Variants in KCNIP1 observed in about 807,000 individuals in gnomAD.
KCNIP1 encodes potassium voltage-gated channel interacting protein 1.
KCNIP1 carries 18 observed loss-of-function variants against 33.0 expected under a neutral mutation model. That is an observed-to-expected ratio of 0.55 (90% CI 0.38 to 0.81). The LOEUF (loss-of-function observed/expected upper bound fraction) is 0.81. KCNIP1 is among the 30% of genes least tolerant of loss of function. The pLI is 0.00. For missense variants in KCNIP1, 238 were observed against 271.6 expected (o/e 0.88, Z 0.87); for synonymous variants, 93 against 98.3 (o/e 0.95, Z 0.32).
intron 1 of KCNIP1, among the ~76,000 whole-genome samples, chr5:170,676,747 T>C (rs1017012038): frequency 6.6e-6 from 1 of 152,218 alleles, no homozygotes; most frequent in African/African-American, 2.4e-5. Context: ...TGCTCCGATC[T>C]TGTGGGTCAT....
chr5:170,538,995 G>T (rs979795806), intron 1 of KCNIP1, among the ~76,000 whole-genome samples: 2 of 151,828 alleles, frequency 1.3e-5, no homozygotes, highest in Non-Finnish European at 2.9e-5. Context: ...CCTTCTGGGG[G>T]TGTCATTCAT....
chr5:170,411,452 AAGAG>A (rs901109919), intron 1 of KCNIP1, among the ~76,000 whole-genome samples: 6 of 152,246 alleles, frequency 3.9e-5, no homozygotes, highest in African/African-American at 1.2e-4. Flanking sequence ...GAGTGAGAGA[AAGAG>A]AGAGATTGTG....
At chr5:170,514,523 C>A (rs553622314) in intron 1 of KCNIP1, among the ~76,000 whole-genome samples, 1 of 152,312 alleles carries the variant, frequency 6.6e-6, no homozygotes, top group East Asian at 1.9e-4. Flanking sequence ...GTCCTCCCAC[C>A]ACTGCCCCGC....
chr5:170,412,017 C>T (rs6885193), intron 1 of KCNIP1, among the ~76,000 whole-genome samples: 1 of 151,528 alleles, frequency 6.6e-6, no homozygotes, highest in Non-Finnish European at 1.5e-5. Context: ...TTCCCCCATG[C>T]TTAGCAGAGG....
At chr5:170,733,926 C>G (rs776815457) in intron 7 of KCNIP1, 28 bp downstream of exon 7, 3 of 1,596,418 alleles carry the variant, frequency 1.9e-6, no homozygotes, top group Admixed American at 3.4e-5. Flanking sequence ...GGCACAATAA[C>G]TCTACATCTG....
intron 1 of KCNIP1, among the ~76,000 whole-genome samples, chr5:170,586,899 T>C (rs1204619585): frequency 6.6e-6 from 1 of 152,222 alleles, no homozygotes; most frequent in Non-Finnish European, 1.5e-5. Flanking sequence ...TGCTCAGCTC[T>C]GACCACACAG....
intron 1 of KCNIP1, among the ~76,000 whole-genome samples, chr5:170,613,182 C>A (rs1355506359): frequency 6.6e-6 from 1 of 152,206 alleles, no homozygotes; most frequent in East Asian, 1.9e-4. Context: ...GTTTGGCCTT[C>A]TCTGCCTCTT....
chr5:170,367,412 A>G (rs1332226847), intron 1 of KCNIP1, among the ~76,000 whole-genome samples: 23 of 104,040 alleles, frequency 2.2e-4, no homozygotes, highest in African/African-American at 7.2e-4. Context: ...AAAGAAAGAA[A>G]GAAAGAAAGG....
intron 1 of KCNIP1, among the ~76,000 whole-genome samples, chr5:170,472,586 C>G (rs1756758911): frequency 8.0e-6 from 1 of 124,464 alleles, no homozygotes; most frequent in African/African-American, 3.0e-5. Context: ...CCCCCTCCCA[C>G]CCTCCCCCCC....
Position 170,646,283 on chromosome 5 carries a change from C to T in KCNIP1, c.62-72475C>T, listed in dbSNP as rs138229112. Among the ~76,000 whole-genome samples, 37 of 152,204 alleles carry T rather than the reference C, an allele frequency of 2.4e-4. No homozygotes were observed. In the East Asian group the frequency reaches 4.0e-3, roughly 17 times the overall value. ...CCCTAATACCAAAACCAGACAAAGA[C>T]ATCAGAAAAGAAAACTACAGACTAA... is the stretch of plus-strand genomic sequence containing the variant. On this transcript the variant is annotated intron_variant, in intron 1 of 7. Coordinates refer to ENST00000328939, the MANE Select transcript of KCNIP1 (RefSeq NM_014592.4).
At chr5:170,544,610 T>G (rs939876137) in intron 1 of KCNIP1, among the ~76,000 whole-genome samples, 24 of 152,282 alleles carry the variant, frequency 1.6e-4, no homozygotes, top group African/African-American at 5.3e-4. Context: ...TATCTCTTCT[T>G]TCTTCCTTTA....
At chr5:170,617,867 A>G (rs1293521933) in intron 1 of KCNIP1, among the ~76,000 whole-genome samples, 4 of 152,230 alleles carry the variant, frequency 2.6e-5, no homozygotes, top group African/African-American at 9.6e-5. Flanking sequence ...AAGTGATTGC[A>G]TCTATTGCAC....
chr5:170,479,642 C>T lies in KCNIP1; in HGVS notation c.88+125678C>T, dbSNP rs11949940. ...AGGAAAAATGTATCTGTCCCTTCTG[C>T]TTTTACTACAGTTCCATAAGGGTAA... On this transcript the variant is annotated intron_variant, in intron 1 of 7. Transcript: ENST00000377360. Among the ~76,000 whole-genome samples the T allele has an allele frequency of 9.1e-3, 1,389 of 152,230 alleles. 25 individuals carry two copies. Among genetic ancestry groups the T allele is most frequent in the African/African-American group, 0.031 (1,293 of 41,482 alleles).
At chr5:170,463,455 T>C (rs1014916405) in intron 1 of KCNIP1, among the ~76,000 whole-genome samples, 2 of 152,190 alleles carry the variant, frequency 1.3e-5, no homozygotes, top group African/African-American at 4.8e-5. Flanking sequence ...TCCAGCAGTC[T>C]GTTAAAAAGA....
At position 170,718,866 on chromosome 5, in the gene KCNIP1, A is replaced by G; in HGVS notation, c.170A>G (p.Tyr57Cys). The change falls in exon 2 of 8, where the codon TAT becomes TGT. Residue 57 changes from tyrosine to cysteine, a missense_variant. Physicochemically the swap from Tyr to Cys is radical, Grantham distance 194. Transcript: ENST00000328939. ...ACCAAGAGGGAGCTGCAGGTCCTTTATCGAGGCTTCAAAAATGTAAGACCC... is the reference window on the plus strand; with the variant it reads ...ACCAAGAGGGAGCTGCAGGTCCTTTGTCGAGGCTTCAAAAATGTAAGACCC... ...NFTKRELQVLYRGFKNECPSG... is the reference protein window; with the variant it reads ...NFTKRELQVLCRGFKNECPSG... 1 of 1,610,726 alleles carries G rather than the reference A, an allele frequency of 6.2e-7. No homozygotes were observed. The highest frequency in any genetic ancestry group is 1.1e-5 in the South Asian group (1 of 90,688).
chr5:170,487,957 T>G (rs1757132831), intron 1 of KCNIP1, among the ~76,000 whole-genome samples: 1 of 152,186 alleles, frequency 6.6e-6, no homozygotes, highest in Non-Finnish European at 1.5e-5. Context: ...CCTCATAAAT[T>G]TCCACTCATT....
intron 1 of KCNIP1, among the ~76,000 whole-genome samples, chr5:170,608,310 G>A (rs1759011035): frequency 6.6e-6 from 1 of 152,218 alleles, no homozygotes; most frequent in Non-Finnish European, 1.5e-5. Context: ...TGGGGCAGCA[G>A]ATCTTTTGGG....
At chr5:170,623,972 T>C (rs558785358) in intron 1 of KCNIP1, among the ~76,000 whole-genome samples, 25 of 152,298 alleles carry the variant, frequency 1.6e-4, no homozygotes, top group Admixed American at 7.2e-4. Flanking sequence ...ACCGACTCCC[T>C]GAGGCTCTAT....
chr5:170,394,780 A>G (rs1487874720), intron 1 of KCNIP1, among the ~76,000 whole-genome samples: 1 of 152,108 alleles, frequency 6.6e-6, no homozygotes, highest in Non-Finnish European at 1.5e-5. Context: ...CCCAGTATCT[A>G]TTATTCCTGT....
Sources: allele counts gnomAD v4.1 joint callset (sites outside exome capture counted in the v4.1 genomes callset), GRCh38; gene constraint gnomAD v4.1.1; transcripts MANE v1.5; gene names NCBI Gene and HGNC (gene_info 2026-07-23, HGNC 2026-07-21).